Variants in SYN3 observed in about 807,000 individuals in gnomAD.
SYN3 encodes synapsin III.
Under a neutral mutation model 65.8 loss-of-function variants are expected in SYN3, and 35 were observed. That is an observed-to-expected ratio of 0.53 (90% confidence interval 0.41 to 0.70). The LOEUF (loss-of-function observed/expected upper bound fraction) is 0.70, where lower values mean the gene tolerates loss of function less well. Ranked by LOEUF, SYN3 falls within the 30% of genes least tolerant of loss-of-function variation. SYN3 has a pLI of 0.00. For missense variants in SYN3, 680 were observed against 749.0 expected, an observed-to-expected ratio of 0.91 and a Z score of 1.08; for synonymous variants, 270 against 292.9, an observed-to-expected ratio of 0.92 and a Z score of 0.80.
At chr22:32,723,182 C>T (rs2061143477) in intron 6 of SYN3, among the ~76,000 whole-genome samples, 1 of 152,188 alleles carries the variant, frequency 6.6e-6, no homozygotes, top group Non-Finnish European at 1.5e-5. Context: ...AGAGAGCCAG[C>T]AGCAAGGGCT....
intron 7 of SYN3, among the ~76,000 whole-genome samples, chr22:32,591,804 GT>G (rs2146558194): frequency 6.6e-6 from 1 of 152,222 alleles, no homozygotes; most frequent in African/African-American, 2.4e-5. Flanking sequence ...CAATTCCTAG[GT>G]TTTGAAGTGC....
Position 33,011,579 on chromosome 22 carries a change from T to C in SYN3, c.-162-4755A>G, listed in dbSNP as rs1024545957. Among the ~76,000 whole-genome samples, 4 of 152,158 alleles carry C rather than the reference T, an allele frequency of 2.6e-5. No homozygotes were observed. The East Asian group carries it at 5.8e-4, about 22-fold the overall frequency. ...GCTAGGTTTTGGTATCAGGGTAATA[T>C]TAACCTCACAAAATAGGTTGGGAAG... is the stretch of plus-strand genomic sequence containing the variant. On this transcript the variant is annotated intron_variant, in intron 1 of 13. Transcript: ENST00000358763.
intron 1 of SYN3, among the ~76,000 whole-genome samples, chr22:33,043,335 G>T (rs1245660938): frequency 6.6e-6 from 1 of 151,954 alleles, no homozygotes; most frequent in African/African-American, 2.4e-5. Flanking sequence ...ATCACCTGAG[G>T]TCAGTAGTTC....
chr22:32,834,722 G>T (rs2047679632), intron 6 of SYN3, among the ~76,000 whole-genome samples: 1 of 152,204 alleles, frequency 6.6e-6, no homozygotes, highest in Admixed American at 6.5e-5. Flanking sequence ...CCTGTGCTTT[G>T]CAGGGAGAGG....
chr22:32,764,790 G>GA (rs1352833849), intron 6 of SYN3, among the ~76,000 whole-genome samples: 1 of 152,228 alleles, frequency 6.6e-6, no homozygotes, highest in East Asian at 1.9e-4. Context: ...TCAGCAGGTT[G>GA]AAGTTCACAT....
chr22:32,844,873 G>T lies in SYN3; in HGVS notation c.711+20042C>A, dbSNP rs186331296. 3.5e-4 allele frequency among the ~76,000 whole-genome samples: 53 copies of T among 152,152 alleles called. No homozygotes were observed. In the East Asian group the frequency reaches 9.5e-3, roughly 27 times the overall value. On this transcript the variant is annotated intron_variant, in intron 6 of 13. Coordinates refer to ENST00000358763, the MANE Select transcript of SYN3 (RefSeq NM_003490.4). ...CTACAGATACACGGCACCATGCCTG[G>T]CTAATTGTTTTAAATTTTTATAATT...
chr22:32,587,669 G>C (rs907136674), intron 7 of SYN3, among the ~76,000 whole-genome samples: 1 of 152,190 alleles, frequency 6.6e-6, no homozygotes, highest in South Asian at 2.1e-4. Flanking sequence ...CAGCCTAAGA[G>C]AAGGGATCCG....
At chr22:32,725,109 T>G (rs2061172354) in intron 6 of SYN3, among the ~76,000 whole-genome samples, 1 of 152,126 alleles carries the variant, frequency 6.6e-6, no homozygotes, top group Non-Finnish European at 1.5e-5. Context: ...AGGGTGAGAC[T>G]TTGTCTCAAA....
intron 6 of SYN3, among the ~76,000 whole-genome samples, chr22:32,628,050 G>C (rs369285893): frequency 6.6e-6 from 1 of 151,984 alleles, no homozygotes; most frequent in Admixed American, 6.6e-5. Context: ...GGATGGTCTC[G>C]ATCTCCTGAC....
At chr22:32,819,573 G>A (rs2047179608) in intron 6 of SYN3, among the ~76,000 whole-genome samples, 1 of 152,132 alleles carries the variant, frequency 6.6e-6, no homozygotes, top group African/African-American at 2.4e-5. Context: ...CAGGTGCTGG[G>A]CAGAGTGCTA....
intron 7 of SYN3, among the ~76,000 whole-genome samples, chr22:32,551,117 T>G (rs992682285): frequency 2.0e-5 from 3 of 152,160 alleles, no homozygotes; most frequent in African/African-American, 7.2e-5. Context: ...AGCTACTAAA[T>G]GCAAAAGAAA....
chr22:32,948,246 T>C (rs774465526), intron 3 of SYN3, among the ~76,000 whole-genome samples: 1 of 152,180 alleles, frequency 6.6e-6, no homozygotes, highest in Non-Finnish European at 1.5e-5. Context: ...TGTAATCACA[T>C]CTGCTAAGTT....
intron 11 of SYN3, 69 bp downstream of exon 11, chr22:32,528,805 G>C: frequency 6.3e-7 from 1 of 1,597,496 alleles, no homozygotes; most frequent in Non-Finnish European, 8.5e-7. Context: ...GGATCCAGGG[G>C]CTCCCCATTT....
In SYN3 at chr22:33,006,512, A is replaced by G. The variant is rs1240040629; in HGVS notation, c.151T>C (p.Ser51Pro). 1.2e-6 allele frequency: 2 copies of G among 1,614,184 alleles called. No individual in the cohort carries two copies. The highest frequency in any genetic ancestry group is 2.2e-5 in the South Asian group (2 of 91,084). The change falls in exon 2 of 14, where the codon TCC (serine) becomes CCC (proline). Residue 51 changes from serine to proline, a missense_variant. Ser to Pro is a moderately conservative substitution (Grantham distance 74). Transcript: ENST00000358763. ...AGGCTGGATCCTGGAGAGGAGAAGG[A>G]GGCAGCCAGGGGCTGGGGGTGCCTC... ...ERRHPQPLAA[S>P]FSSPGSSLFS... is the part of the protein sequence containing the mutation.
chr22:32,545,041 A>G (rs2058316578), intron 7 of SYN3, among the ~76,000 whole-genome samples: 1 of 152,194 alleles, frequency 6.6e-6, no homozygotes, highest in Non-Finnish European at 1.5e-5. Flanking sequence ...TTGGCCAACA[A>G]GATGTGAGCG....
chr22:32,663,424 G>A (rs1325473825), intron 6 of SYN3, among the ~76,000 whole-genome samples: 2 of 151,172 alleles, frequency 1.3e-5, no homozygotes, highest in Admixed American at 1.3e-4. Context: ...TCAGCCGCCC[G>A]AATAGCTGGG....
intron 6 of SYN3, among the ~76,000 whole-genome samples, chr22:32,775,730 C>T (rs1019155317): frequency 4.6e-5 from 7 of 152,192 alleles, no homozygotes; most frequent in Non-Finnish European, 8.8e-5. Context: ...AATCCCTCTC[C>T]ACCTCTCAGA....
intron 6 of SYN3, among the ~76,000 whole-genome samples, chr22:32,819,216 G>A (rs968788658): frequency 2.0e-5 from 3 of 152,248 alleles, no homozygotes; most frequent in Non-Finnish European, 2.9e-5. Flanking sequence ...CTTGCAGGCC[G>A]GTGCTGGGTT....
At chr22:33,010,972 T>C (rs2053336484) in intron 1 of SYN3, among the ~76,000 whole-genome samples, 1 of 152,234 alleles carries the variant, frequency 6.6e-6, no homozygotes, top group Non-Finnish European at 1.5e-5. Context: ...GTATTGTTGC[T>C]ACTAGTTGTT....
Sources: gnomAD v4.1 joint callset for allele counts (sites outside exome capture counted in the v4.1 genomes callset) on GRCh38, gnomAD v4.1.1 for gene constraint, MANE v1.5 for transcripts, NCBI Gene and HGNC (gene_info 2026-07-23, HGNC 2026-07-21) for gene names.